DENND1B: variants seen among roughly 807,000 people sequenced by gnomAD.
The protein encoded by DENND1B is DENN domain containing 1B, also known as DENN domain-containing protein 1B.
A neutral mutation model predicts 90.1 loss-of-function variants in DENND1B; 59 were observed. The ratio of observed to expected loss-of-function variants is 0.65; its 90% confidence interval spans 0.53 to 0.81. The LOEUF is 0.81. Ranked by LOEUF, DENND1B falls within the 40% of genes least tolerant of loss-of-function variation. The pLI is 0.00. For synonymous variants in DENND1B, 337 were observed against 324.6 expected (o/e 1.04, Z -0.41); for missense variants, 862 against 912.6 (o/e 0.94, Z 0.71).
intron 15 of DENND1B, among the ~76,000 whole-genome samples, chr1:197,580,396 A>G (rs1674126560): frequency 6.6e-6 from 1 of 151,480 alleles, no homozygotes; most frequent in African/African-American, 2.4e-5. Context: ...CTAGGATCTA[A>G]TAATTTTCTC....
intron 3 of DENND1B, chr1:197,685,554 T>C (rs1376720355): frequency 3.9e-5 from 6 of 152,224 alleles, no homozygotes; most frequent in Non-Finnish European, 1.5e-5. Flanking sequence ...AATTATGTTC[T>C]GTATTTTTAG....
chr1:197,694,115 G>A (rs1243559846), intron 3 of DENND1B, among the ~76,000 whole-genome samples: 1 of 151,026 alleles, frequency 6.6e-6, no homozygotes, highest in Non-Finnish European at 1.5e-5. Flanking sequence ...ATGTGAAAGG[G>A]GGAAGGAAAA....
At chr1:197,599,556 T>C (rs988703364) in intron 13 of DENND1B, among the ~76,000 whole-genome samples, 1 of 151,862 alleles carries the variant, frequency 6.6e-6, no homozygotes, top group African/African-American at 2.4e-5. Context: ...TAATCATCTG[T>C]AGAACAAAGT....
chr1:197,763,163 T>C (rs1655304604), intron 2 of DENND1B, among the ~76,000 whole-genome samples: 1 of 152,034 alleles, frequency 6.6e-6, no homozygotes. Flanking sequence ...ATGTAAAAAT[T>C]AGCCAGACAT....
At chr1:197,754,619 C>T (rs542957281) in intron 2 of DENND1B, among the ~76,000 whole-genome samples, 24 of 138,842 alleles carry the variant, frequency 1.7e-4, no homozygotes, top group Admixed American at 3.8e-4. Context: ...GATCGTGCTA[C>T]GCCGCACTCT....
chr1:197,771,107 T>A (rs1656542083), intron 2 of DENND1B, among the ~76,000 whole-genome samples: 1 of 151,856 alleles, frequency 6.6e-6, no homozygotes, highest in South Asian at 2.1e-4. Context: ...AGATGGGGTT[T>A]CACCATATTG....
intron 18 of DENND1B, among the ~76,000 whole-genome samples, chr1:197,543,108 T>C (rs1670464885): frequency 1.3e-5 from 2 of 152,012 alleles, no homozygotes; most frequent in African/African-American, 4.8e-5. Context: ...ATAATTTTTG[T>C]ATTTTCAATA....
chr1:197,626,088 C>A (rs1033784765), intron 10 of DENND1B, among the ~76,000 whole-genome samples: 1 of 152,006 alleles, frequency 6.6e-6, no homozygotes, highest in Non-Finnish European at 1.5e-5. Context: ...CTTTAACACC[C>A]CACTGTCAAC....
intron 10 of DENND1B, among the ~76,000 whole-genome samples, chr1:197,625,939 T>A (rs192803832): frequency 3.6e-4 from 55 of 152,244 alleles, no homozygotes; most frequent in Admixed American, 2.1e-3. Context: ...CATTACATAA[T>A]GGCAAAGGGA....
At chr1:197,539,552 T>C (rs531426915) in intron 20 of DENND1B, among the ~76,000 whole-genome samples, 3 of 152,334 alleles carry the variant, frequency 2.0e-5, no homozygotes, top group Non-Finnish European at 2.9e-5. Context: ...AACTTTAGAA[T>C]AGGATAGACT....
chr1:197,742,618 AG>A (rs1452231787), intron 2 of DENND1B, among the ~76,000 whole-genome samples: 3 of 152,220 alleles, frequency 2.0e-5, no homozygotes, highest in African/African-American at 7.2e-5. Flanking sequence ...AGGAAAAGCA[AG>A]ACTGTGGTCT....
chr1:197,759,660 G>A (rs956251124), intron 2 of DENND1B, among the ~76,000 whole-genome samples: 2 of 147,478 alleles, frequency 1.4e-5, no homozygotes, highest in African/African-American at 2.5e-5. Flanking sequence ...GGAGAATGGC[G>A]TGAACCCGGG....
At chr1:197,626,832 A>T (rs1284014775) in intron 10 of DENND1B, among the ~76,000 whole-genome samples, 2 of 152,190 alleles carry the variant, frequency 1.3e-5, no homozygotes. Context: ...TGGAAAAAAA[A>T]TGATAAAGAG....
upstream of DENND1B, among the ~76,000 whole-genome samples, chr1:197,778,773 GT>G (rs969749652): frequency 6.6e-6 from 1 of 151,072 alleles, no homozygotes; most frequent in Non-Finnish European, 1.5e-5. Context: ...CTTCTGATCT[GT>G]TTTTTTCTTT....
At chr1:197,625,063 G>A (rs1394588610) in intron 10 of DENND1B, among the ~76,000 whole-genome samples, 1 of 152,058 alleles carries the variant, frequency 6.6e-6, no homozygotes, top group Non-Finnish European at 1.5e-5. Flanking sequence ...GAAGTGACAG[G>A]GAGAATGGAA....
chr1:197,579,256 T>G (rs1048779905), intron 15 of DENND1B, among the ~76,000 whole-genome samples: 8 of 152,206 alleles, frequency 5.3e-5, no homozygotes, highest in African/African-American at 1.9e-4. Context: ...TCAGTTTTTG[T>G]TGGGAAATGT....
chr1:197,710,421 A>T (rs1447868962), intron 3 of DENND1B, among the ~76,000 whole-genome samples: 1 of 34,322 alleles, frequency 2.9e-5, no homozygotes, highest in Non-Finnish European at 4.8e-5. Context: ...CAAGATTAAG[A>T]ATCTCACTCA....
chr1:197,728,683 T>C (rs1661877757), intron 2 of DENND1B, among the ~76,000 whole-genome samples: 1 of 152,228 alleles, frequency 6.6e-6, no homozygotes, highest in South Asian at 2.1e-4. Flanking sequence ...TAATTAGTCT[T>C]CTTGCCACTC....
At chr1:197,513,331 C>T (rs1213025909) in intron 20 of DENND1B, among the ~76,000 whole-genome samples, 1 of 151,572 alleles carries the variant, frequency 6.6e-6, no homozygotes, top group African/African-American at 2.4e-5. Context: ...AATTTTGTTT[C>T]TTTTATCCCC....
Sources: allele counts gnomAD v4.1 joint callset (sites outside exome capture counted in the v4.1 genomes callset), GRCh38; gene constraint gnomAD v4.1.1; transcripts MANE v1.5; gene names NCBI Gene and HGNC (gene_info 2026-07-23, HGNC 2026-07-21).